NEK2: variants seen among roughly 807,000 people sequenced by gnomAD.
NEK2 encodes serine/threonine-protein kinase Nek2.
NEK2 carries 28 observed loss-of-function variants against 54.1 expected under a neutral mutation model. That is an observed-to-expected ratio of 0.52 (90% CI 0.38 to 0.71). The LOEUF (loss-of-function observed/expected upper bound fraction) is 0.71. Among genes scored for constraint, NEK2 ranks in the 30% least tolerant of loss-of-function variants. The pLI is 0.00. For missense variants in NEK2, 407 were observed against 531.5 expected, an observed-to-expected ratio of 0.77 and a Z score of 2.30; for synonymous variants, 176 against 193.1, an observed-to-expected ratio of 0.91 and a Z score of 0.73.
In NEK2 at chr1:211,675,560, G is replaced by A; in HGVS notation, c.-81C>T. 2 of 1,174,272 alleles carry A rather than the reference G, an allele frequency of 1.7e-6. No homozygotes were observed. Among genetic ancestry groups the A allele is most frequent in the Non-Finnish European group, 2.5e-6 (2 of 791,918 alleles). The allele number at this position is 1,174,272 out of a possible 1,614,324, so 72.7% of individuals were successfully genotyped here. ...GAGCTCCAGGGACCAGGAACTCCAG[G>A]GACCTGGATGGAGAAGCCCCCGAGC... On this transcript the variant is annotated 5_prime_UTR_variant, in exon 1 of 8. Coordinates refer to ENST00000366999, the MANE Select transcript of NEK2 (RefSeq NM_002497.4).
chr1:211,663,604 C>A lies in NEK2; in HGVS notation c.1160G>T (p.Ser387Ile), dbSNP rs756257362. The change falls in exon 8 of 8, where the codon AGT becomes ATT. Residue 387 changes from serine (S) to isoleucine (I), a missense_variant. Ser to Ile is a moderately radical substitution (Grantham distance 142). Coordinates refer to ENST00000366999, the MANE Select transcript of NEK2 (RefSeq NM_002497.4). ...SSVIKKKVHF[S>I]GESKENIMRS... Reference sequence around the variant, plus strand: ...CATGATGTTCTCTTTACTTTCCCCACTGAAATGAACTTTCTTCTTAATTAC... The same window carrying A: ...CATGATGTTCTCTTTACTTTCCCCAATGAAATGAACTTTCTTCTTAATTAC... 9 of 1,613,682 alleles carry A rather than the reference C, an allele frequency of 5.6e-6. No homozygotes were observed. The highest frequency in any genetic ancestry group is 1.1e-5 in the South Asian group (1 of 91,080).
chr1:211,668,116 C>T (rs1220088691), intron 6 of NEK2, among the ~76,000 whole-genome samples: 1 of 151,744 alleles, frequency 6.6e-6, no homozygotes, highest in Non-Finnish European at 1.5e-5. Flanking sequence ...TTATTTTTTA[C>T]AGAGGTTTCC....
intron 2 of NEK2, 77 bp from the exon 3 acceptor site, chr1:211,673,800 T>C: frequency 7.2e-7 from 1 of 1,381,584 alleles, no homozygotes; most frequent in Non-Finnish European, 1.0e-6. Context: ...AATTATCCAG[T>C]GTACAAATAG....
At chr1:211,660,719 G>T (rs1346238827), downstream of NEK2, 3 of 676,836 alleles carry the variant, frequency 4.4e-6, no homozygotes, top group Non-Finnish European at 8.4e-6. Context: ...TGCCCTGGGG[G>T]TGCTGTGATG....
chr1:211,669,398 T>G, intron 5 of NEK2, 66 bp from the exon 6 acceptor site: 1 of 1,425,340 alleles, frequency 7.0e-7, no homozygotes, highest in Middle Eastern at 1.8e-4. Flanking sequence ...AAGACAGCAG[T>G]TAAAATAAAA....
intron 3 of NEK2, 97 bp downstream of exon 3, chr1:211,673,386 C>G (rs1655460505): frequency 6.7e-7 from 1 of 1,486,246 alleles, no homozygotes; most frequent in Admixed American, 1.8e-5. Context: ...TGCACTCCAG[C>G]CTGGGCAACA....
In NEK2 at chr1:211,675,404, G is replaced by A. The variant is rs370861680; in HGVS notation, c.76C>T (p.Arg26Trp). ...TGSYGRCQKIRRKSDGKILVW... is the reference protein window; with the variant it reads ...TGSYGRCQKIWRKSDGKILVW... Reference sequence around the variant, plus strand: ...CTCACCTTGCCATCACTCTTCCTCCGGATCTTCTGGCAGCGGCCGTAGGAG... The same window carrying A: ...CTCACCTTGCCATCACTCTTCCTCCAGATCTTCTGGCAGCGGCCGTAGGAG... Residue 26 changes from arginine to tryptophan, a missense_variant, in exon 1 of 8, where the codon CGG (arginine) becomes TGG (tryptophan). Transcript: ENST00000366999. 5.0e-6 allele frequency: 8 copies of A among 1,613,722 alleles called. No individual in the cohort carries two copies. The Admixed American group carries it at 1.0e-4, about 20-fold the overall frequency.
chr1:211,673,824 T>C, intron 2 of NEK2, 101 bp from the exon 3 acceptor site: 1 of 1,180,474 alleles, frequency 8.5e-7, no homozygotes, highest in Non-Finnish European at 1.2e-6. Flanking sequence ...ATTTATTTAT[T>C]TATTTATTTA....
intron 7 of NEK2, 64 bp from the exon 8 acceptor site, chr1:211,663,716 A>T: frequency 6.9e-7 from 1 of 1,453,538 alleles, no homozygotes; most frequent in African/African-American, 1.4e-5. Context: ...CTTCATACTT[A>T]TACTTATCAA....
chr1:211,669,689 T>C (rs918827613), intron 5 of NEK2, among the ~76,000 whole-genome samples: 1 of 152,232 alleles, frequency 6.6e-6, no homozygotes, highest in Admixed American at 6.5e-5. Flanking sequence ...TTTAGCAAGA[T>C]ACTCTCTCAC....
At chr1:211,671,322 A>T (rs764902820) in intron 3 of NEK2, 38 bp from the exon 4 acceptor site, 2 of 1,471,164 alleles carry the variant, frequency 1.4e-6, no homozygotes, top group Non-Finnish European at 1.9e-6. Flanking sequence ...GGAAGGTGTT[A>T]AGAGTTTATT....
At chr1:211,659,012 A>G (rs535698416), downstream of NEK2, among the ~76,000 whole-genome samples, 2 of 152,308 alleles carry the variant, frequency 1.3e-5, no homozygotes, top group Non-Finnish European at 2.9e-5. Context: ...GGATGCTTCA[A>G]TGTTTTTATG....
At chr1:211,671,585 A>G (rs1228374480) in intron 3 of NEK2, among the ~76,000 whole-genome samples, 1 of 152,272 alleles carries the variant, frequency 6.6e-6, no homozygotes, top group Non-Finnish European at 1.5e-5. Flanking sequence ...AAGAAACACC[A>G]TTTTAAAAGA....
Position 211,663,051 on chromosome 1 carries a change from C to G in NEK2, c.*375G>C. On this transcript the variant is annotated 3_prime_UTR_variant, in exon 8 of 8. Transcript: ENST00000366999. ...CTAGACATGACAATTGTAAGCATAC[C>G]ACTCAGTCATTTAAAACTATTCAGT... 1 of 1,005,994 alleles carries G rather than the reference C, an allele frequency of 9.9e-7. No individual in the cohort carries two copies. The highest frequency in any genetic ancestry group is 1.2e-6 in the Non-Finnish European group (1 of 841,848). The allele number at this position is 1,005,994 out of a possible 1,614,324, so 62.3% of individuals were successfully genotyped here.
At chr1:211,661,238 T>C, downstream of NEK2, 1 of 692,120 alleles carries the variant, frequency 1.4e-6, no homozygotes. Flanking sequence ...CATCTGATTT[T>C]TGATCTCCAT....
At chr1:211,663,718 A>C (rs1655087546) in intron 7 of NEK2, 66 bp from the exon 8 acceptor site, 1 of 1,449,028 alleles carries the variant, frequency 6.9e-7, no homozygotes, top group African/African-American at 1.4e-5. Flanking sequence ...TCATACTTAT[A>C]CTTATCAAAA....
intron 3 of NEK2, among the ~76,000 whole-genome samples, 165 bp downstream of exon 3, chr1:211,673,318 G>A (rs1655458364): frequency 6.6e-6 from 1 of 152,170 alleles, no homozygotes; most frequent in South Asian, 2.1e-4. Context: ...GGAGGCTGAT[G>A]CAGGAGAATC....
intron 4 of NEK2, 181 bp downstream of exon 4, chr1:211,671,021 G>A (rs1355141096): frequency 1.7e-6 from 1 of 574,148 alleles, no homozygotes; most frequent in Non-Finnish European, 3.1e-6. Flanking sequence ...ATGGCTTATA[G>A]TTTTAATTTG....
chr1:211,666,815 T>C (rs1655195901), intron 7 of NEK2: 5 of 897,460 alleles, frequency 5.6e-6, no homozygotes, highest in Non-Finnish European at 2.7e-6. Flanking sequence ...AATAAAAAAA[T>C]AAATAATGAT....
Sources: gnomAD v4.1 joint callset for allele counts (sites outside exome capture counted in the v4.1 genomes callset) on GRCh38, gnomAD v4.1.1 for gene constraint, MANE v1.5 for transcripts, NCBI Gene and HGNC (gene_info 2026-07-23, HGNC 2026-07-21) for gene names.